Variants in CDIN1 observed in about 807,000 individuals in gnomAD.
The protein encoded by CDIN1 is CDAN1 interacting nuclease 1.
CDIN1 carries 33 observed loss-of-function variants against 45.3 expected under a neutral mutation model. The observed-to-expected ratio is 0.73, with a 90% confidence interval of 0.55 to 0.97. The LOEUF is 0.97. Ranked by LOEUF, CDIN1 falls within the 50% of genes least tolerant of loss-of-function variation. The pLI, the probability that CDIN1 is intolerant of heterozygous loss-of-function variation, is 0.00. For missense variants in CDIN1, 303 were observed against 339.4 expected, an observed-to-expected ratio of 0.89 and a Z score of 0.84; for synonymous variants, 118 against 124.4, an observed-to-expected ratio of 0.95 and a Z score of 0.34.
intron 1 of CDIN1, among the ~76,000 whole-genome samples, chr15:36,583,897 T>G (rs2037168176): frequency 1.3e-5 from 2 of 152,038 alleles, no homozygotes; most frequent in South Asian, 4.2e-4. Flanking sequence ...GCGCCTGTAG[T>G]CCCAGCTACT....
chr15:36,680,080 G>A (rs2041796888), intron 5 of CDIN1, among the ~76,000 whole-genome samples: 1 of 152,192 alleles, frequency 6.6e-6, no homozygotes, highest in African/African-American at 2.4e-5. Flanking sequence ...TTGATGATTA[G>A]CACAGTGCTT....
intron 3 of CDIN1, among the ~76,000 whole-genome samples, chr15:36,646,930 C>A (rs766804488): frequency 2.6e-5 from 4 of 151,494 alleles, no homozygotes; most frequent in South Asian, 2.1e-4. Context: ...TATTTCAAAT[C>A]TAAGTTTCAT....
intron 1 of CDIN1, among the ~76,000 whole-genome samples, chr15:36,629,210 C>T (rs1030706274): frequency 6.6e-6 from 1 of 152,130 alleles, no homozygotes; most frequent in Non-Finnish European, 1.5e-5. Context: ...TAATTTGTTA[C>T]AGTAACCATA....
chr15:36,620,804 TG>T (rs138484014), intron 1 of CDIN1, among the ~76,000 whole-genome samples: 7 of 151,656 alleles, frequency 4.6e-5, no homozygotes, highest in East Asian at 1.9e-4. Flanking sequence ...GGCTTAATTT[TG>T]GGGGGGGACT....
intron 10 of CDIN1, among the ~76,000 whole-genome samples, chr15:36,747,529 T>A (rs907889036): frequency 6.6e-6 from 1 of 152,174 alleles, no homozygotes; most frequent in Admixed American, 6.5e-5. Flanking sequence ...TGGTTTTCTT[T>A]AAAAAATCAC....
At chr15:36,619,248 G>A (rs12437809) in intron 1 of CDIN1, 250,824 of 1,221,994 alleles carry the variant, frequency 0.21, 28,174 homozygotes, top group African/African-American at 0.33. Flanking sequence ...AGCAATATGT[G>A]CCACCCAGAT....
At chr15:36,754,852 G>A (rs1009711496) in intron 10 of CDIN1, among the ~76,000 whole-genome samples, 3 of 152,012 alleles carry the variant, frequency 2.0e-5, no homozygotes, top group African/African-American at 2.4e-5. Context: ...TTAATTAAGC[G>A]TAAAGTTACA....
intron 10 of CDIN1, among the ~76,000 whole-genome samples, chr15:36,729,876 C>T (rs1415488208): frequency 6.6e-6 from 1 of 152,176 alleles, no homozygotes; most frequent in Admixed American, 6.5e-5. Flanking sequence ...AAAACTAATG[C>T]TATCTGAAGT....
At chr15:36,753,497 T>C (rs2053529002) in intron 10 of CDIN1, among the ~76,000 whole-genome samples, 1 of 152,112 alleles carries the variant, frequency 6.6e-6, no homozygotes, top group Admixed American at 6.6e-5. Context: ...ATCCTATTCC[T>C]GAGTCCCATT....
intron 10 of CDIN1, among the ~76,000 whole-genome samples, chr15:36,760,948 C>G (rs943804265): frequency 6.6e-6 from 1 of 152,198 alleles, no homozygotes; most frequent in Admixed American, 6.5e-5. Context: ...CACCCTGGCC[C>G]AAGTCAGATG....
At chr15:36,732,067 A>C (rs909307713) in intron 10 of CDIN1, among the ~76,000 whole-genome samples, 2 of 152,178 alleles carry the variant, frequency 1.3e-5, no homozygotes, top group Non-Finnish European at 2.9e-5. Context: ...TGACAGGTAG[A>C]CTTGCTGAAG....
At chr15:36,638,826 T>C (rs1566855886) in intron 1 of CDIN1, among the ~76,000 whole-genome samples, 2 of 152,176 alleles carry the variant, frequency 1.3e-5, no homozygotes, top group Non-Finnish European at 2.9e-5. Context: ...TTGTTTGGAG[T>C]ATAATGTCAC....
Position 36,808,410 on chromosome 15 carries a change from G to A in CDIN1, c.803G>A (p.Cys268Tyr), listed in dbSNP as rs375234500. The change falls in exon 11 of 11, where the codon TGT (cysteine) becomes TAT (tyrosine). Residue 268 changes from cysteine (C) to tyrosine (Y), a missense_variant. Transcript: ENST00000566621. ...GAAAGGGGCATCCTGCTCAAAGCCT[G>A]TTTCCCCACGAACATTGTCACCTTA... ...NRERGILLKA[C>Y]FPTNIVTLCH... 5 of 1,613,456 alleles carry A rather than the reference G, an allele frequency of 3.1e-6. No homozygotes were observed. The highest frequency in any genetic ancestry group is 4.2e-6 in the Non-Finnish European group (5 of 1,179,640).
At chr15:36,715,432 C>A (rs1339242040) in intron 10 of CDIN1, among the ~76,000 whole-genome samples, 1 of 152,158 alleles carries the variant, frequency 6.6e-6, no homozygotes, top group African/African-American at 2.4e-5. Flanking sequence ...AGATATTTTT[C>A]AGAGCATGGC....
At chr15:36,668,165 G>A (rs1000302367) in intron 5 of CDIN1, 2 of 152,066 alleles carry the variant, frequency 1.3e-5, no homozygotes, top group African/African-American at 2.4e-5. Context: ...TGGGCTCAGT[G>A]TTCCTTGTCT....
At chr15:36,688,974 G>A (rs1182265111) in intron 5 of CDIN1, among the ~76,000 whole-genome samples, 1 of 152,156 alleles carries the variant, frequency 6.6e-6, no homozygotes, top group Admixed American at 6.5e-5. Flanking sequence ...AAAAAGTGGT[G>A]GGTTGCAAGA....
In CDIN1 at chr15:36,644,338, C is replaced by G. The variant is rs1437172272; in HGVS notation, c.147+15C>G. ...AGGAGTACCAGGTTAGAAGTTTTCTCCTTTGTGAGGGTTGACAGGTGCCTA... is the reference window on the plus strand; with the variant it reads ...AGGAGTACCAGGTTAGAAGTTTTCTGCTTTGTGAGGGTTGACAGGTGCCTA... On this transcript the variant is annotated intron_variant, in intron 2 of 10. Coordinates refer to ENST00000566621, the MANE Select transcript of CDIN1 (RefSeq NM_001321759.2). The G allele has an allele frequency of 6.2e-7, 1 of 1,611,584 alleles. No individual in the cohort carries two copies. Among genetic ancestry groups the G allele is most frequent in the South Asian group, 1.1e-5 (1 of 90,786 alleles).
intron 10 of CDIN1, among the ~76,000 whole-genome samples, chr15:36,758,896 T>C (rs917106812): frequency 1.3e-5 from 2 of 152,202 alleles, no homozygotes; most frequent in African/African-American, 4.8e-5. Context: ...CCAAATAGGT[T>C]GCCTAATGCC....
chr15:36,625,105 G>A (rs906730305), intron 1 of CDIN1, among the ~76,000 whole-genome samples: 102 of 151,804 alleles, frequency 6.7e-4, no homozygotes, highest in African/African-American at 2.2e-3. Flanking sequence ...GTGAAACCCC[G>A]TCTCTACTAA....
Sources: gnomAD v4.1 joint callset for allele counts (sites outside exome capture counted in the v4.1 genomes callset) on GRCh38, gnomAD v4.1.1 for gene constraint, MANE v1.5 for transcripts, NCBI Gene and HGNC (gene_info 2026-07-23, HGNC 2026-07-21) for gene names.